The following SFXN4 variants were observed in gnomAD, a reference collection of about 807,000 sequenced individuals.
The protein encoded by SFXN4 is sideroflexin 4.
SFXN4 carries 48 observed loss-of-function variants against 54.6 expected under a neutral mutation model. The observed-to-expected ratio is 0.88, with a 90% confidence interval of 0.70 to 1.12. The LOEUF is 1.12. Among genes scored for constraint, SFXN4 ranks in the 50% most tolerant of loss-of-function variants. The pLI, the probability that SFXN4 is intolerant of heterozygous loss-of-function variation, is 0.00. For synonymous variants in SFXN4, 130 were observed against 145.5 expected (o/e 0.89, Z 0.77); for missense variants, 383 against 409.2 (o/e 0.94, Z 0.55).
intron 9 of SFXN4, 124 bp downstream of exon 9, chr10:119,157,543 AC>A (rs1256215362): frequency 1.4e-6 from 1 of 725,814 alleles, no homozygotes; most frequent in Admixed American, 3.1e-5. Flanking sequence ...ATTACAGGTG[AC>A]TTTTATTTCC....
chr10:119,150,670 A>G (rs1476471252), intron 11 of SFXN4, among the ~76,000 whole-genome samples: 1 of 152,138 alleles, frequency 6.6e-6, no homozygotes, highest in Non-Finnish European at 1.5e-5. Flanking sequence ...CTCTGTCTCT[A>G]TAAATAAATG....
Position 119,156,721 on chromosome 10 carries a change from C to A in SFXN4, c.573G>T (p.Leu191=). The part of the protein sequence containing the change: ...IPQFVQMKYG[L]TGPWIKRLLP... ...AGAGTCTTTTAATCCAAGGGCCAGT[C>A]AGGCCATACTTCATCTGGACAAACT... The change falls in exon 10 of 14, where the codon CTG becomes CTT. Residue 191 remains leucine (L), a synonymous_variant. Transcript: ENST00000355697. 1.2e-6 allele frequency: 2 copies of A among 1,611,628 alleles called. No homozygotes were observed. The highest frequency in any genetic ancestry group is 2.2e-5 in the South Asian group (2 of 90,506).
chr10:119,146,254 T>C lies in SFXN4; in HGVS notation c.918A>G (p.Ile306Met). 1 of 1,607,846 alleles carries C rather than the reference T, an allele frequency of 6.2e-7. No individual in the cohort carries two copies. Among genetic ancestry groups the C allele is most frequent in the East Asian group, 2.2e-5 (1 of 44,838 alleles). The change falls in exon 13 of 14, where the codon ATA becomes ATG. Residue 306 changes from isoleucine (I) to methionine (M), a missense_variant. Coordinates refer to ENST00000355697, the MANE Select transcript of SFXN4 (RefSeq NM_213649.2). The stretch of plus-strand genomic sequence containing the variant: ...CACTTACCTGTCCAATCTGTGGAAA[T>C]ATACTAAAAGAAAATGGCACCATCA... ...MGLMVPFSFS[I>M]FPQIGQIQYC...
At chr10:119,143,968 T>C (rs79033850) in intron 13 of SFXN4, among the ~76,000 whole-genome samples, 4,041 of 152,232 alleles carry the variant, frequency 0.027, 181 homozygotes, top group African/African-American at 0.091. Flanking sequence ...GCCCATAGCA[T>C]AGTAATAGGC....
intron 11 of SFXN4, among the ~76,000 whole-genome samples, chr10:119,152,179 T>C (rs1847096820): frequency 6.6e-6 from 1 of 151,764 alleles, no homozygotes; most frequent in South Asian, 2.1e-4. Flanking sequence ...AATTTTACAG[T>C]ATGTAAATTA....
chr10:119,143,854 A>T (rs1166928059), intron 13 of SFXN4, among the ~76,000 whole-genome samples: 1 of 152,090 alleles, frequency 6.6e-6, no homozygotes, highest in Admixed American at 6.6e-5. Flanking sequence ...GGCCTCAAGC[A>T]ATCTTCCCAC....
At chr10:119,145,539 A>C (rs1846752961) in intron 13 of SFXN4, among the ~76,000 whole-genome samples, 1 of 152,020 alleles carries the variant, frequency 6.6e-6, no homozygotes, top group Admixed American at 6.6e-5. Context: ...CCTGATCTCA[A>C]GTTATCTGCC....
chr10:119,164,906 ACT>A (rs757145775), intron 1 of SFXN4, among the ~76,000 whole-genome samples: 3 of 152,240 alleles, frequency 2.0e-5, no homozygotes, highest in Admixed American at 6.5e-5. Flanking sequence ...GATTTGGAAC[ACT>A]CTGTACCAAA....
intron 11 of SFXN4, among the ~76,000 whole-genome samples, chr10:119,149,190 C>T (rs1487909122): frequency 2.0e-5 from 3 of 152,152 alleles, no homozygotes; most frequent in Non-Finnish European, 4.4e-5. Context: ...CTGGGTAAGA[C>T]ACACACACCA....
chr10:119,164,079 T>TC lies in SFXN4; in HGVS notation c.177+51dup, dbSNP rs1250741577. The TC allele has an allele frequency of 4.2e-6, 4 of 944,974 alleles. No homozygotes were observed. In the African/African-American group the frequency reaches 6.9e-5, roughly 16 times the overall value. 58.5% of individuals were successfully genotyped at this position (944,974 alleles called of 1,614,324 possible). A position where few individuals can be genotyped will look rare whatever the true frequency, so the allele number is the denominator to read the frequency against. On this transcript the variant is annotated intron_variant, in intron 2 of 13. Coordinates refer to ENST00000355697, the MANE Select transcript of SFXN4 (RefSeq NM_213649.2). ...AAAAAAAAAAAGGGACACACAGACT[T>TC]CAAGTTTCAAAATAAAATGTGAAAT... is the stretch of plus-strand genomic sequence containing the variant.
At chr10:119,163,657 C>A (rs1005156615) in intron 2 of SFXN4, among the ~76,000 whole-genome samples, 6 of 152,000 alleles carry the variant, frequency 3.9e-5, no homozygotes, top group Admixed American at 2.0e-4. Flanking sequence ...CCCACCTCGG[C>A]CTCCCAAAGT....
chr10:119,164,739 C>A (rs905047368), intron 1 of SFXN4, among the ~76,000 whole-genome samples: 2 of 152,048 alleles, frequency 1.3e-5, no homozygotes, highest in African/African-American at 2.4e-5. Context: ...GCTGGAGCAA[C>A]CTGAGCTCAC....
rs761053744 is a variant in SFXN4 at position 119,157,727 on chromosome 10, T to G, written c.478A>C (p.Lys160Gln). The change falls in exon 9 of 14, where the codon AAG (lysine) becomes CAG (glutamine). Residue 160 changes from lysine to glutamine, a missense_variant. Transcript: ENST00000355697. ...ATTAGTAATGATCTTTCTAGTGGCT[T>G]ACAAGTCTAAGGAGAAACAAAAGTA... is the stretch of plus-strand genomic sequence containing the variant. ...SINGNRSYTC[K>Q]PLERSLLMAG... is the part of the protein sequence containing the mutation. 7.2e-5 allele frequency: 116 copies of G among 1,610,000 alleles called. No individual in the cohort carries two copies. The highest frequency in any genetic ancestry group is 9.8e-5 in the Non-Finnish European group (115 of 1,178,348).
In SFXN4 at chr10:119,160,901, T is replaced by C; in HGVS notation, c.334+14A>G. On this transcript the variant is annotated intron_variant, in intron 5 of 13. Coordinates refer to ENST00000355697, the MANE Select transcript of SFXN4 (RefSeq NM_213649.2). ...ATCTTCCCAACCCACTTCTGAAAAT[T>C]AGAACCAACTCACCTGCAGGTCGAA... The C allele has an allele frequency of 6.2e-7, 1 of 1,613,834 alleles. No individual in the cohort carries two copies. Among genetic ancestry groups the C allele is most frequent in the Non-Finnish European group, 8.5e-7 (1 of 1,179,786 alleles).
rs1358860718 is a variant in SFXN4, at chr10:119,140,913, T to A, written c.*329A>T. On this transcript the variant is annotated 3_prime_UTR_variant, in exon 14 of 14. Transcript: ENST00000355697. ...TGTCCTGGGCACGGTGGACTCTGTG[T>A]TCTTTCTTCAAATCCTCAACTTGAG... The A allele has an allele frequency of 4.5e-6, 1 of 224,586 alleles. No individual in the cohort carries two copies. Among genetic ancestry groups the A allele is most frequent in the East Asian group, 1.1e-4 (1 of 9,220 alleles). The allele number at this position is 224,586 out of a possible 1,614,324, so 13.9% of individuals were successfully genotyped here. A position where few individuals can be genotyped will look rare whatever the true frequency, so the allele number is the denominator to read the frequency against.
chr10:119,146,939 G>C (rs1219227356), intron 12 of SFXN4, among the ~76,000 whole-genome samples: 1 of 152,174 alleles, frequency 6.6e-6, no homozygotes, highest in Admixed American at 6.5e-5. Flanking sequence ...ACACTGGTGG[G>C]GGGGATGTGC....
intron 5 of SFXN4, 28 bp downstream of exon 5, chr10:119,160,887 C>G (rs369885490): frequency 6.2e-7 from 1 of 1,612,552 alleles, no homozygotes; most frequent in Non-Finnish European, 8.5e-7. Flanking sequence ...TCTTCCCAAC[C>G]CACTTCTGAA....
At chr10:119,156,941 A>G (rs1372052206) in intron 9 of SFXN4, among the ~76,000 whole-genome samples, 185 bp from the exon 10 acceptor site, 2 of 152,094 alleles carry the variant, frequency 1.3e-5, no homozygotes, top group Admixed American at 1.3e-4. Context: ...AGGAGTCAAC[A>G]GGGGCTTAGA....
chr10:119,150,533 T>C (rs1382485683), intron 11 of SFXN4, among the ~76,000 whole-genome samples: 1 of 151,934 alleles, frequency 6.6e-6, no homozygotes, highest in East Asian at 1.9e-4. Context: ...TTTTTTAACA[T>C]TAGCCATGTA....
Sources: gnomAD v4.1 joint callset for allele counts (sites outside exome capture counted in the v4.1 genomes callset) on GRCh38, gnomAD v4.1.1 for gene constraint, MANE v1.5 for transcripts, NCBI Gene and HGNC (gene_info 2026-07-23, HGNC 2026-07-21) for gene names.